Variants in SMOX observed in about 807,000 individuals in gnomAD.
The protein encoded by SMOX is flavin containing amine oxidase.
Under a neutral mutation model 51.0 loss-of-function variants are expected in SMOX, and 22 were observed. The ratio of observed to expected loss-of-function variants is 0.43; its 90% CI spans 0.31 to 0.62. SMOX has a LOEUF of 0.62. SMOX is among the 20% of genes least tolerant of loss of function. SMOX has a pLI of 0.10. For missense variants in SMOX, 566 were observed against 777.7 expected (o/e 0.73, Z 3.24); for synonymous variants, 282 against 307.8 (o/e 0.92, Z 0.88).
intron 1 of SMOX, among the ~76,000 whole-genome samples, chr20:4,165,448 C>T (rs897136607): frequency 2.0e-5 from 3 of 152,186 alleles, no homozygotes; most frequent in African/African-American, 4.8e-5. Flanking sequence ...AATCCTCCCA[C>T]GTCAGCTTCC....
rs1008150106 is a variant in SMOX, at chr20:4,177,320, G to T, written c.209-31G>T. On this transcript the variant is annotated intron_variant, in intron 2 of 6. Transcript: ENST00000305958. The surrounding 1 kb of genome is among the most constrained non-coding windows in gnomAD (Gnocchi z 4.3). ...TGGCCCTCTCTGGAGAAGTCCCTAA[G>T]CCTCTAAGGGCCTGCTGTTGTCACC... 6.5e-7 allele frequency: 1 copy of T among 1,541,838 alleles called. No individual in the cohort carries two copies. The highest frequency in any genetic ancestry group is 1.4e-5 in the African/African-American group (1 of 72,896).
chr20:4,173,815 C>T (rs909314547), intron 1 of SMOX, among the ~76,000 whole-genome samples: 4 of 152,376 alleles, frequency 2.6e-5, no homozygotes, highest in Admixed American at 2.6e-4. Flanking sequence ...AGCATCTGAG[C>T]TGAGTGGTTC....
chr20:4,149,000 C>T (rs1308764288), intron 1 of SMOX, 23 bp downstream of exon 1: 3 of 151,606 alleles, frequency 2.0e-5, no homozygotes, highest in Non-Finnish European at 4.4e-5. Flanking sequence ...CGCTCTCCGG[C>T]CCCGGGCCCC....
At chr20:4,161,305 G>C (rs745529031) in intron 1 of SMOX, among the ~76,000 whole-genome samples, 1 of 152,200 alleles carries the variant, frequency 6.6e-6, no homozygotes, top group Non-Finnish European at 1.5e-5. Flanking sequence ...TGTGTTTGGG[G>C]GTGTGCCTGG....
chr20:4,170,670 T>G lies in SMOX; in HGVS notation c.-26-4360T>G, dbSNP rs1013059654. 3.3e-5 allele frequency among the ~76,000 whole-genome samples: 5 copies of G among 152,184 alleles called. No individual in the cohort carries two copies. The highest frequency in any genetic ancestry group is 9.7e-5 in the African/African-American group (4 of 41,444). ...GTGCCCACTCTGGTCACCTGACCTC[T>G]GAGTCTTTATTCTATTCATCCGTCT... On this transcript the variant is annotated intron_variant, in intron 1 of 6. Transcript: ENST00000305958. This position sits in a 1 kb window ranked among gnomAD's most constrained non-coding sequence, Gnocchi z 4.6.
In SMOX at chr20:4,177,661, C is replaced by T. The variant is rs1472281209; in HGVS notation, c.435+84C>T. On this transcript the variant is annotated intron_variant, in intron 3 of 6. Transcript: ENST00000305958. This position sits in a 1 kb window ranked among gnomAD's most constrained non-coding sequence, Gnocchi z 4.3. ...ATTCTGGTCGTGTCTCTGCACACTC[C>T]CTGGGCCTTGCATTTGGAAAACCAG... 3 of 1,283,830 alleles carry T rather than the reference C, an allele frequency of 2.3e-6. No individual in the cohort carries two copies. The Admixed American group carries it at 6.3e-5, about 27-fold the overall frequency. The allele number at this position is 1,283,830 out of a possible 1,614,324, so 79.5% of individuals were successfully genotyped here. A position where few individuals can be genotyped will look rare whatever the true frequency, so the allele number is the denominator to read the frequency against.
rs555079763 is a variant in SMOX, at chr20:4,167,999, C to T, written c.-26-7031C>T. Among the ~76,000 whole-genome samples, 1 of 152,190 alleles carries T rather than the reference C, an allele frequency of 6.6e-6. No homozygotes were observed. Among genetic ancestry groups the T allele is most frequent in the Admixed American group, 6.5e-5 (1 of 15,288 alleles). ...AGAATAATTGCATTGTCTGGGGGGC[C>T]TCAAGAATCCAAATCCCTCCCCAGA... On this transcript the variant is annotated intron_variant, in intron 1 of 6. Transcript: ENST00000305958. The surrounding 1 kb of genome is among the most constrained non-coding windows in gnomAD (Gnocchi z 4.8).
At chr20:4,154,982 A>G (rs930716562) in intron 1 of SMOX, among the ~76,000 whole-genome samples, 3 of 151,968 alleles carry the variant, frequency 2.0e-5, no homozygotes, top group African/African-American at 4.8e-5. Flanking sequence ...TAGACCAGGA[A>G]CATAGGTCTG....
intron 1 of SMOX, among the ~76,000 whole-genome samples, chr20:4,152,059 C>T (rs1446809807): frequency 2.0e-5 from 3 of 152,060 alleles, no homozygotes; most frequent in South Asian, 2.1e-4. Context: ...AATCTAAGGG[C>T]GCCAATGGGA....
At chr20:4,164,664 G>T (rs115626918) in intron 1 of SMOX, among the ~76,000 whole-genome samples, 6 of 152,160 alleles carry the variant, frequency 3.9e-5, no homozygotes, top group Non-Finnish European at 7.4e-5. Context: ...CCTGGGGTTC[G>T]CCGAAGGCTG....
chr20:4,175,020 C>T lies in SMOX; in HGVS notation c.-26-10C>T, dbSNP rs1369676436. ...GAGCCACTAAGCTGTGACACCTCCT[C>T]CCCCTGCAGGTTCCTAGAAGGTGAG... is the stretch of plus-strand genomic sequence containing the variant. On this transcript the variant is annotated splice_polypyrimidine_tract_variant and intron_variant, in intron 1 of 6. Coordinates refer to ENST00000305958, the MANE Select transcript of SMOX (RefSeq NM_175839.3). The T allele has an allele frequency of 1.9e-6, 3 of 1,610,486 alleles. No individual in the cohort carries two copies. Among genetic ancestry groups the T allele is most frequent in the East Asian group, 2.2e-5 (1 of 44,816 alleles).
At chr20:4,154,386 C>CTTTTTT (rs57727682) in intron 1 of SMOX, among the ~76,000 whole-genome samples, 23 of 150,040 alleles carry the variant, frequency 1.5e-4, no homozygotes, top group Admixed American at 3.3e-4. Flanking sequence ...TTCTTTCTTT[C>CTTTTTT]TTTTTTTGAG....
intron 1 of SMOX, among the ~76,000 whole-genome samples, chr20:4,155,955 A>G (rs1360678774): frequency 5.3e-5 from 8 of 152,144 alleles, no homozygotes; most frequent in Non-Finnish European, 1.0e-4. Context: ...TCCTCAAAGG[A>G]GGGCAAGGCC....
At position 4,182,171 on chromosome 20, in the gene SMOX, C is replaced by G. The variant is rs1159877938; in HGVS notation, c.692C>G (p.Ala231Gly). ...GGGGAGTGGACCGAGATCCCCGGCGCTCACCACATCATCCCCTCGGGCTTC... is the reference window on the plus strand; with the variant it reads ...GGGGAGTGGACCGAGATCCCCGGCGGTCACCACATCATCCCCTCGGGCTTC... ...AFGEWTEIPG[A>G]HHIIPSGFMR... The change falls in exon 5 of 7, where the codon GCT becomes GGT. Residue 231 changes from alanine (A) to glycine (G), a missense_variant. By Grantham distance (60) the Ala-to-Gly change is moderately conservative (BLOSUM62 0). Around this residue, in one of 3 missense-constraint regions of SMOX, gnomAD observed 347 missense variants for 481.8 expected, o/e 0.72. Coordinates refer to ENST00000305958, the MANE Select transcript of SMOX (RefSeq NM_175839.3). The surrounding 1 kb of genome is among the most constrained non-coding windows in gnomAD (Gnocchi z 8.4). 1.2e-6 allele frequency: 2 copies of G among 1,613,358 alleles called. No individual in the cohort carries two copies. Among genetic ancestry groups the G allele is most frequent in the African/African-American group, 1.3e-5 (1 of 74,924 alleles).
rs970080487 is a variant in SMOX, at chr20:4,167,112, C to G, written c.-26-7918C>G. Among the ~76,000 whole-genome samples, 16 of 152,322 alleles carry G rather than the reference C, an allele frequency of 1.1e-4. No homozygotes were observed. Among genetic ancestry groups the G allele is most frequent in the African/African-American group, 2.9e-4 (12 of 41,572 alleles). ...TGGCCACCACCTCTGATGCCCCTTCCCCTCAACAATGGGGAGGATGGTCAG... is the reference window on the plus strand; with the variant it reads ...TGGCCACCACCTCTGATGCCCCTTCGCCTCAACAATGGGGAGGATGGTCAG... On this transcript the variant is annotated intron_variant, in intron 1 of 6. Coordinates refer to ENST00000305958, the MANE Select transcript of SMOX (RefSeq NM_175839.3). This position sits in a 1 kb window ranked among gnomAD's most constrained non-coding sequence, Gnocchi z 4.8.
intron 2 of SMOX, among the ~76,000 whole-genome samples, chr20:4,176,562 G>T (rs778439339): frequency 3.9e-5 from 6 of 152,118 alleles, no homozygotes; most frequent in Admixed American, 2.0e-4. Context: ...TCCTTTCATT[G>T]TTTCGGCTTC....
intron 1 of SMOX, among the ~76,000 whole-genome samples, chr20:4,164,259 C>G (rs1355150320): frequency 6.6e-6 from 1 of 152,182 alleles, no homozygotes; most frequent in African/African-American, 2.4e-5. Flanking sequence ...CATCCCCACC[C>G]CTGCCTGTCA....
Position 4,181,597 on chromosome 20 carries a change from C to T in SMOX, c.436-206C>T, listed in dbSNP as rs1043738411. On this transcript the variant is annotated intron_variant, in intron 3 of 6. Transcript: ENST00000305958. The surrounding 1 kb of genome is among the most constrained non-coding windows in gnomAD (Gnocchi z 5.6). ...ACCTCCGGGGCTTATCCCACCTCCC[C>T]GACAGGCCGGAGGCGAGGAGGTGGC... is the stretch of plus-strand genomic sequence containing the variant. Among the ~76,000 whole-genome samples the T allele has an allele frequency of 6.6e-5, 10 of 152,168 alleles. No homozygotes were observed. The East Asian group carries it at 7.7e-4, about 12-fold the overall frequency.
At chr20:4,159,801 T>C (rs79422971) in intron 1 of SMOX, among the ~76,000 whole-genome samples, 1,595 of 152,354 alleles carry the variant, frequency 0.01, 40 homozygotes, top group African/African-American at 0.037. Context: ...GGCCCCTGTG[T>C]GCATTCTGAA....
Sources: gnomAD v4.1 joint callset for allele counts (sites outside exome capture counted in the v4.1 genomes callset) on GRCh38, gnomAD v4.1.1 for gene constraint, gnomAD v4.1.1 regional missense constraint, Gnocchi (gnomAD v3.1) non-coding constraint, MANE v1.5 for transcripts, NCBI Gene and HGNC (gene_info 2026-07-23, HGNC 2026-07-21) for gene names.